SYT16: variants seen among roughly 807,000 people sequenced by gnomAD.
SYT16 encodes synaptotagmin 16, also known as synaptotagmin-16.
SYT16 carries 42 observed loss-of-function variants against 61.4 expected under a neutral mutation model. That is an observed-to-expected ratio of 0.68 (90% confidence interval 0.53 to 0.89). The LOEUF is 0.89. SYT16 is among the 40% of genes least tolerant of loss of function. The pLI is 0.00. For missense variants in SYT16, 804 were observed against 807.3 expected (o/e 1.00, Z 0.05); for synonymous variants, 314 against 302.3 (o/e 1.04, Z -0.40).
intron 3 of SYT16, among the ~76,000 whole-genome samples, chr14:62,065,700 C>T (rs1179046916): frequency 1.3e-5 from 2 of 152,168 alleles, no homozygotes; most frequent in Non-Finnish European, 2.9e-5. Flanking sequence ...CTAATCCAGA[C>T]ACCCCTCACA....
chr14:61,882,896 C>T (rs2047753116), intron 1 of SYT16, among the ~76,000 whole-genome samples: 2 of 152,254 alleles, frequency 1.3e-5, no homozygotes, highest in Admixed American at 1.3e-4. Context: ...ATAGGCCAGT[C>T]ATGAAATCTT....
chr14:62,065,499 T>C (rs1160400073), intron 3 of SYT16, among the ~76,000 whole-genome samples: 2 of 152,136 alleles, frequency 1.3e-5, no homozygotes, highest in Non-Finnish European at 2.9e-5. Flanking sequence ...GATCAATGGC[T>C]CACTGAAAAA....
intron 2 of SYT16, among the ~76,000 whole-genome samples, chr14:61,981,396 T>C (rs1215460949): frequency 6.6e-6 from 1 of 152,162 alleles, no homozygotes; most frequent in African/African-American, 2.4e-5. Context: ...TCCTTCAGTA[T>C]ATTATGGTGG....
intron 7 of SYT16, among the ~76,000 whole-genome samples, 155 bp downstream of exon 7, chr14:62,084,540 T>C (rs1008740657): frequency 3.9e-5 from 6 of 152,232 alleles, no homozygotes; most frequent in Non-Finnish European, 7.3e-5. Context: ...ATTTTTTAAA[T>C]GGCTCTCTAT....
At chr14:61,991,003 A>G (rs1399585374) in intron 2 of SYT16, among the ~76,000 whole-genome samples, 1 of 152,228 alleles carries the variant, frequency 6.6e-6, no homozygotes, top group African/African-American at 2.4e-5. Flanking sequence ...ATTTTAAAAA[A>G]GTAGCCTTTA....
At chr14:62,055,222 C>T (rs1046621647) in intron 3 of SYT16, among the ~76,000 whole-genome samples, 15 of 152,190 alleles carry the variant, frequency 9.9e-5, no homozygotes, top group African/African-American at 3.1e-4. Context: ...ATGCAAATGC[C>T]ACCATAGTAG....
chr14:62,064,334 G>GAAA (rs781727444), intron 3 of SYT16, among the ~76,000 whole-genome samples: 3,004 of 42,966 alleles, frequency 0.07, 526 homozygotes, highest in African/African-American at 0.2. Context: ...CTTTAAATTT[G>GAAA]AAAAAAAAAA....
At chr14:61,880,344 C>G (rs1304442147) in intron 1 of SYT16, among the ~76,000 whole-genome samples, 7 of 152,224 alleles carry the variant, frequency 4.6e-5, no homozygotes, top group Non-Finnish European at 1.0e-4. Flanking sequence ...GTGACCACAT[C>G]ATACTGTCTT....
At chr14:61,969,752 C>G (rs535723264) in intron 1 of SYT16, among the ~76,000 whole-genome samples, 1 of 152,238 alleles carries the variant, frequency 6.6e-6, no homozygotes, top group East Asian at 1.9e-4. Context: ...TGGAGACTTG[C>G]TTTTATAACA....
At chr14:61,908,044 C>A (rs1388761285) in intron 1 of SYT16, among the ~76,000 whole-genome samples, 1 of 152,220 alleles carries the variant, frequency 6.6e-6, no homozygotes, top group Non-Finnish European at 1.5e-5. Context: ...TCATTTAATA[C>A]TATACTTCAC....
chr14:62,078,450 T>C (rs974648256), intron 5 of SYT16, among the ~76,000 whole-genome samples: 6 of 152,108 alleles, frequency 3.9e-5, no homozygotes, highest in African/African-American at 1.4e-4. Context: ...GATATTAAAA[T>C]ACCTACCTCA....
At chr14:61,840,972 C>T (rs891122908) in intron 1 of SYT16, among the ~76,000 whole-genome samples, 10 of 152,150 alleles carry the variant, frequency 6.6e-5, no homozygotes, top group South Asian at 2.1e-4. Flanking sequence ...AAATAATCAA[C>T]GGAACAGTCA....
At chr14:61,949,884 A>G (rs919356045) in intron 1 of SYT16, among the ~76,000 whole-genome samples, 1 of 152,200 alleles carries the variant, frequency 6.6e-6, no homozygotes, top group African/African-American at 2.4e-5. Flanking sequence ...ATAGCTTGCT[A>G]TGAAATCAGG....
intron 3 of SYT16, chr14:62,069,386 C>T: frequency 5.3e-6 from 3 of 570,966 alleles, no homozygotes; most frequent in African/African-American, 1.9e-5. Flanking sequence ...TGGGTTCTAG[C>T]TATATACCGT....
chr14:61,885,986 A>G (rs1371544368), intron 1 of SYT16, among the ~76,000 whole-genome samples: 1 of 139,900 alleles, frequency 7.1e-6, no homozygotes, highest in Non-Finnish European at 1.5e-5. Flanking sequence ...TTTTTTGGAG[A>G]CAGAGTCTTG....
At chr14:62,025,114 G>A (rs1013507672) in intron 3 of SYT16, among the ~76,000 whole-genome samples, 1 of 152,112 alleles carries the variant, frequency 6.6e-6, no homozygotes, top group African/African-American at 2.4e-5. Flanking sequence ...AGGTTTTTGT[G>A]TAGACGTGTT....
intron 1 of SYT16, among the ~76,000 whole-genome samples, chr14:61,917,505 A>G (rs1408589816): frequency 3.3e-5 from 5 of 152,192 alleles, no homozygotes; most frequent in Admixed American, 2.0e-4. Flanking sequence ...ATAGAAGCCT[A>G]GTTACCCCTT....
chr14:61,871,404 A>C (rs1300635403), intron 1 of SYT16, among the ~76,000 whole-genome samples: 2 of 152,000 alleles, frequency 1.3e-5, no homozygotes, highest in African/African-American at 4.8e-5. Context: ...GCAGTGCTTT[A>C]CCCCACAAAT....
In SYT16 at chr14:61,906,065, C is replaced by T. The variant is rs550186088; in HGVS notation, c.-324-64067C>T. 6.2e-4 allele frequency among the ~76,000 whole-genome samples: 94 copies of T among 152,270 alleles called. 1 individual carries two copies. Among genetic ancestry groups the T allele is most frequent in the African/African-American group, 2.2e-3 (93 of 41,560 alleles). On this transcript the variant is annotated intron_variant, in intron 1 of 7. Transcript: ENST00000683842. ...CCACCGCGCCCAGCCATGGACTTCT[C>T]TTATGTTAAGACACTGAAAATTGGA... is the stretch of plus-strand genomic sequence containing the variant.
Sources: gnomAD v4.1 joint callset for allele counts (sites outside exome capture counted in the v4.1 genomes callset) on GRCh38, gnomAD v4.1.1 for gene constraint, MANE v1.5 for transcripts, NCBI Gene and HGNC (gene_info 2026-07-23, HGNC 2026-07-21) for gene names.